IL31RA: variants seen among roughly 807,000 people sequenced by gnomAD.
The protein encoded by IL31RA is interleukin-31 receptor subunit alpha.
A neutral mutation model predicts 83.7 loss-of-function variants in IL31RA; 66 were observed. The ratio of observed to expected loss-of-function variants is 0.79; its 90% CI spans 0.65 to 0.97. IL31RA has a LOEUF of 0.97. Ranked by LOEUF, IL31RA falls within the 50% of genes least tolerant of loss-of-function variation. IL31RA has a pLI of 0.00. For missense variants in IL31RA, 798 were observed against 919.4 expected, an observed-to-expected ratio of 0.87 and a Z score of 1.71; for synonymous variants, 325 against 329.0, an observed-to-expected ratio of 0.99 and a Z score of 0.13.
At chr5:55,872,153 T>C (rs938168978) in intron 3 of IL31RA, 117 bp from the exon 4 acceptor site, 1 of 765,376 alleles carries the variant, frequency 1.3e-6, no homozygotes, top group African/African-American at 1.7e-5. Flanking sequence ...TCCTGGACTA[T>C]ACAGTTCTCA....
chr5:55,909,338 T>C (rs1381601435), intron 11 of IL31RA, among the ~76,000 whole-genome samples: 2 of 152,220 alleles, frequency 1.3e-5, no homozygotes, highest in African/African-American at 2.4e-5. Flanking sequence ...TGAATAGGGC[T>C]GCTATGAACA....
Position 55,913,550 on chromosome 5 carries a change from A to G in IL31RA, c.1716A>G (p.Ala572=), listed in dbSNP as rs568161690. The G allele has an allele frequency of 6.2e-7, 1 of 1,612,640 alleles. No homozygotes were observed. The highest frequency in any genetic ancestry group is 1.1e-5 in the South Asian group (1 of 91,048). ...GLLILIILTV[A]YGLKKPNKLT... is the part of the protein sequence containing the mutation. Reference sequence around the variant, plus strand: ...TTATTCTCATTATCCTGACAGTGGCATATGGTCTCAAAAAACCCAAGTGAG... The same window carrying G: ...TTATTCTCATTATCCTGACAGTGGCGTATGGTCTCAAAAAACCCAAGTGAG... The change falls in exon 13 of 15, where the codon GCA becomes GCG. Residue 572 remains alanine, a synonymous_variant. Coordinates refer to ENST00000652347, the MANE Select transcript of IL31RA (RefSeq NM_139017.7).
rs536822202 is a variant in IL31RA, at chr5:55,906,227, A to G, written c.1191A>G (p.Ser397=). Residue 397 remains serine, a synonymous_variant, in exon 9 of 15, where the codon TCA becomes TCG. Transcript: ENST00000652347. ...TTGAATGGTTTCCGGATGTGGACTC[A>G]GAGCCCACCACCCTTTCCTGGGAAT... ...WMIEWFPDVD[S]EPTTLSWESV... is the part of the protein sequence containing the mutation. 2.0e-5 allele frequency: 32 copies of G among 1,614,186 alleles called. 1 individual carries two copies. The South Asian group carries it at 3.0e-4, about 15-fold the overall frequency.
intron 4 of IL31RA, among the ~76,000 whole-genome samples, chr5:55,878,947 C>T (rs563981624): frequency 1.3e-4 from 20 of 152,180 alleles, no homozygotes; most frequent in Non-Finnish European, 2.1e-4. Flanking sequence ...CCACTATGCC[C>T]GGCCACAGCT....
rs1222272141 is a variant in IL31RA, at chr5:55,867,221, TTGTGTGTGTGTTTG to T, written c.155-1560_155-1547del. Among the ~76,000 whole-genome samples the T allele has an allele frequency of 2.3e-4, 17 of 74,768 alleles. 2 individuals are homozygous for T. Among genetic ancestry groups the T allele is most frequent in the African/African-American group, 8.1e-4 (12 of 14,736 alleles). 49.1% of individuals were successfully genotyped at this position (74,768 alleles called of 152,430 possible). ...TGTTTGTGTGTGTGCGCATGTGTGT[TTGTGTGTGTGTTTG>T]TGTGTGTGTTTGTGTGTGCGTGTGT... On this transcript the variant is annotated intron_variant, in intron 2 of 14. Transcript: ENST00000652347.
At chr5:55,843,991 T>C in the IL31RA span, among the ~76,000 whole-genome samples, 1 of 152,264 alleles carries the variant, frequency 6.6e-6, no homozygotes, top group South Asian at 2.1e-4. Flanking sequence ...TTCATGAATT[T>C]TTTTTTACTT....
chr5:55,872,479 C>A, intron 4 of IL31RA, 28 bp downstream of exon 4: 2 of 1,436,902 alleles, frequency 1.4e-6, no homozygotes, highest in Non-Finnish European at 1.9e-6. Flanking sequence ...CTCTTATATA[C>A]TCTTTATTAA....
intron 6 of IL31RA, among the ~76,000 whole-genome samples, chr5:55,891,965 T>C (rs1259798076): frequency 3.3e-5 from 5 of 151,918 alleles, no homozygotes; most frequent in African/African-American, 1.2e-4. Flanking sequence ...TTACTAGAGA[T>C]GGAGTTTCAC....
At chr5:55,847,242 TA>T (rs57359897), upstream of IL31RA, among the ~76,000 whole-genome samples, 1,169 of 115,078 alleles carry the variant, frequency 0.01, 34 homozygotes, top group Middle Eastern at 0.03. Flanking sequence ...AAAAAAAAAA[TA>T]AAAATAAATA....
At chr5:55,879,144 G>A (rs1348473064) in intron 4 of IL31RA, among the ~76,000 whole-genome samples, 1 of 152,098 alleles carries the variant, frequency 6.6e-6, no homozygotes, top group African/African-American at 2.4e-5. Context: ...GCAAAACAGA[G>A]ACCAGTCGTT....
rs150911009 is a variant in IL31RA, at chr5:55,883,135, G to A, written c.546G>A (p.Ala182=). Residue 182 remains alanine (A), a synonymous_variant, in exon 5 of 15, where the codon GCG becomes GCA. Transcript: ENST00000652347. ...TTGAATGGATAAAGCCTGAGTTGGC[G>A]CCTGTTTCATCTGATTTAAAATACA... The part of the protein sequence containing the change: ...IQIEWIKPEL[A]PVSSDLKYTL... The A allele has an allele frequency of 2.0e-4, 316 of 1,613,908 alleles. 1 individual carries two copies. In the African/African-American group the frequency reaches 3.8e-3, roughly 20 times the overall value.
intron 2 of IL31RA, among the ~76,000 whole-genome samples, chr5:55,867,448 A>T (rs904853572): frequency 5.9e-5 from 9 of 152,128 alleles, no homozygotes; most frequent in Admixed American, 5.9e-4. Flanking sequence ...ACCAAAATAT[A>T]CTGAAATGAA....
chr5:55,889,842 T>A, intron 5 of IL31RA, 128 bp from the exon 6 acceptor site: 1 of 817,188 alleles, frequency 1.2e-6, no homozygotes. Flanking sequence ...ATAAAAATGA[T>A]ATATTTTAAA....
At chr5:55,890,526 T>C (rs538488242) in intron 6 of IL31RA, among the ~76,000 whole-genome samples, 14 of 152,186 alleles carry the variant, frequency 9.2e-5, no homozygotes, top group Non-Finnish European at 1.5e-4. Flanking sequence ...CCCACGACCA[T>C]GCCCGGTTGA....
chr5:55,841,234 G>C, the IL31RA span, among the ~76,000 whole-genome samples: 1 of 152,130 alleles, frequency 6.6e-6, no homozygotes, highest in Non-Finnish European at 1.5e-5. Flanking sequence ...TTTCTATTCA[G>C]AGACCTTTTA....
chr5:55,919,761 C>T lies in IL31RA; in HGVS notation c.*2641C>T, dbSNP rs1311347318. 6.6e-6 allele frequency among the ~76,000 whole-genome samples: 1 copy of T among 152,278 alleles called. No homozygotes were observed. The highest frequency in any genetic ancestry group is 2.1e-4 in the South Asian group (1 of 4,822). ...ACTGGTGGGCCACACCTTAGCTCTC[C>T]TGAGCAGGTTCACAGGATGTGAGCC... On this transcript the variant is annotated 3_prime_UTR_variant, in exon 15 of 15. Transcript: ENST00000652347.
In IL31RA at chr5:55,899,945, A is replaced by T. The variant is rs1466582851; in HGVS notation, c.882A>T (p.Lys294Asn). 4 of 1,614,080 alleles carry T rather than the reference A, an allele frequency of 2.5e-6. No individual in the cohort carries two copies. In the African/African-American group the frequency reaches 5.3e-5, roughly 22 times the overall value. The change falls in exon 8 of 15, where the codon AAA (lysine) becomes AAT (asparagine). Residue 294 changes from lysine to asparagine, a missense_variant. Lys to Asn is a moderately conservative substitution (Grantham distance 94). Coordinates refer to ENST00000652347, the MANE Select transcript of IL31RA (RefSeq NM_139017.7). ...CAAGAGGAGCCCCAGTCCTAGAGAAAACACTTGGCTACAACATATGGTACT... is the reference window on the plus strand; with the variant it reads ...CAAGAGGAGCCCCAGTCCTAGAGAATACACTTGGCTACAACATATGGTACT... ...KKARGAPVLE[K>N]TLGYNIWYYP...
chr5:55,907,338 T>C, intron 9 of IL31RA, 21 bp from the exon 10 acceptor site: 4 of 1,535,340 alleles, frequency 2.6e-6, no homozygotes, highest in Non-Finnish European at 3.6e-6. Context: ...ACTTACACTT[T>C]TTTTTCTTTC....
chr5:55,879,544 T>C lies in IL31RA; in HGVS notation c.455-3500T>C, dbSNP rs537781307. Among the ~76,000 whole-genome samples, 595 of 148,114 alleles carry C rather than the reference T, an allele frequency of 4.0e-3. 5 individuals are homozygous for C. Among genetic ancestry groups the C allele is most frequent in the African/African-American group, 0.014 (571 of 40,326 alleles). ...GCCTCCCAGGTTCAAGCGATTCTCC[T>C]GCCTCAGCCTCCCAGGCAGCTGGGA... On this transcript the variant is annotated intron_variant, in intron 4 of 14. Coordinates refer to ENST00000652347, the MANE Select transcript of IL31RA (RefSeq NM_139017.7).
Sources: gnomAD v4.1 joint callset for allele counts (sites outside exome capture counted in the v4.1 genomes callset) on GRCh38, gnomAD v4.1.1 for gene constraint, MANE v1.5 for transcripts, NCBI Gene and HGNC (gene_info 2026-07-23, HGNC 2026-07-21) for gene names.